The following EVL variants were observed in gnomAD, a reference collection of about 807,000 sequenced individuals.
EVL encodes the protein Enah/Vasp-like, also known as ena/VASP-like protein.
In EVL, 21 loss-of-function variants were observed where a neutral mutation model predicts 59.6. The ratio of observed to expected loss-of-function variants is 0.35; its 90% CI spans 0.25 to 0.51. The LOEUF is 0.51. Among genes scored for constraint, EVL ranks in the 20% least tolerant of loss-of-function variants. EVL has a pLI of 0.97. For missense variants in EVL, 462 were observed against 546.6 expected, an observed-to-expected ratio of 0.85 and a Z score of 1.54; for synonymous variants, 198 against 203.5, an observed-to-expected ratio of 0.97 and a Z score of 0.23.
At chr14:100,042,130 AATT>A (rs2140234330) in intron 1 of EVL, among the ~76,000 whole-genome samples, 1 of 152,364 alleles carries the variant, frequency 6.6e-6, no homozygotes, top group Admixed American at 6.5e-5. Flanking sequence ...GTAATATGAA[AATT>A]ATTAATTAAC....
chr14:100,065,524 A>T lies in EVL; in HGVS notation c.11+13A>T, dbSNP rs746112814. The T allele has an allele frequency of 6.6e-7, 1 of 1,504,158 alleles. No homozygotes were observed. The highest frequency in any genetic ancestry group is 9.0e-7 in the Non-Finnish European group (1 of 1,109,514). 93.2% of individuals were successfully genotyped at this position (1,504,158 alleles called of 1,614,324 possible). On this transcript the variant is annotated intron_variant, in intron 1 of 13. Transcript: ENST00000392920. ...CCATGGCCACAAGGTGAGTATTGGA[A>T]CCAGTGCAGGGGACAGAGGGATGTC...
intron 1 of EVL, among the ~76,000 whole-genome samples, chr14:100,010,691 C>T (rs1030012649): frequency 5.3e-5 from 8 of 152,156 alleles, no homozygotes; most frequent in Non-Finnish European, 1.2e-4. Context: ...AGCCACTGTG[C>T]CCAGCAGGTT....
intron 1 of EVL, among the ~76,000 whole-genome samples, chr14:99,973,554 C>T (rs2060749606): frequency 6.6e-6 from 1 of 152,194 alleles, no homozygotes; most frequent in African/African-American, 2.4e-5. Flanking sequence ...CCTCTGCCTC[C>T]TGGGTTCAAG....
At chr14:100,129,857 G>A (rs540559625) in intron 7 of EVL, among the ~76,000 whole-genome samples, 173 bp downstream of exon 7, 8 of 152,340 alleles carry the variant, frequency 5.3e-5, no homozygotes, top group South Asian at 2.1e-4. Flanking sequence ...AGTCTGAAGC[G>A]CAAGCCCACA....
intron 1 of EVL, among the ~76,000 whole-genome samples, chr14:100,067,200 G>A (rs531866804): frequency 2.6e-5 from 4 of 152,350 alleles, no homozygotes; most frequent in African/African-American, 9.6e-5. Context: ...CGTTCGTGGA[G>A]CTGCAAGGTC....
At chr14:100,095,337 C>G (rs1885731318) in intron 2 of EVL, among the ~76,000 whole-genome samples, 1 of 152,176 alleles carries the variant, frequency 6.6e-6, no homozygotes. Context: ...AACTTGAACA[C>G]AGAACTTCTG....
intron 3 of EVL, among the ~76,000 whole-genome samples, chr14:100,100,438 C>T (rs545074079): frequency 8.5e-5 from 13 of 152,254 alleles, no homozygotes; most frequent in South Asian, 2.1e-4. Context: ...CAATACCATG[C>T]GCAGATAAGC....
intron 1 of EVL, among the ~76,000 whole-genome samples, chr14:99,985,619 T>G (rs2060834944): frequency 1.3e-5 from 2 of 151,936 alleles, no homozygotes; most frequent in Admixed American, 1.3e-4. Flanking sequence ...AATACAAGAT[T>G]AGCTGGGTGT....
chr14:99,982,130 C>T (rs2060811125), intron 1 of EVL, among the ~76,000 whole-genome samples: 1 of 152,160 alleles, frequency 6.6e-6, no homozygotes, highest in Admixed American at 6.5e-5. Context: ...CTGCTCTTTA[C>T]AGATAACCAC....
At chr14:100,097,126 C>T (rs1325560787) in intron 2 of EVL, 1 of 179,940 alleles carries the variant, frequency 5.6e-6, no homozygotes, top group African/African-American at 2.4e-5. Context: ...ATTATTATCC[C>T]CATCTTATAA....
At chr14:100,007,485 CTT>C (rs1285364268) in intron 1 of EVL, among the ~76,000 whole-genome samples, 1 of 152,106 alleles carries the variant, frequency 6.6e-6, no homozygotes, top group Non-Finnish European at 1.5e-5. Context: ...GGAACTCTGA[CTT>C]TTGAAAAAAA....
chr14:99,996,363 A>G (rs139195573), intron 1 of EVL, among the ~76,000 whole-genome samples: 2 of 152,100 alleles, frequency 1.3e-5, no homozygotes, highest in African/African-American at 2.4e-5. Context: ...GGTGTTTTCT[A>G]TTCCATCATC....
At chr14:99,995,769 T>C (rs919774934) in intron 1 of EVL, among the ~76,000 whole-genome samples, 2 of 152,190 alleles carry the variant, frequency 1.3e-5, no homozygotes, top group African/African-American at 4.8e-5. Flanking sequence ...CTTTACTAGA[T>C]AATCTGGAGA....
intron 2 of EVL, among the ~76,000 whole-genome samples, chr14:100,092,556 G>A (rs1177072227): frequency 1.3e-5 from 2 of 152,108 alleles, no homozygotes; most frequent in Non-Finnish European, 2.9e-5. Flanking sequence ...CCAACATGGT[G>A]AAACCCCATC....
rs569901146 is a variant in EVL, at chr14:99,978,275, G to A, written c.5+6218G>A. On this transcript the variant is annotated intron_variant, in intron 1 of 13. Transcript: ENST00000402714. ...AAATTAGCCGGGCATGGTGGCGGGT[G>A]CCTGTAGTCCCAGCTACTCCGGAGG... Among the ~76,000 whole-genome samples, 3 of 152,008 alleles carry A rather than the reference G, an allele frequency of 2.0e-5. No individual in the cohort carries two copies. The East Asian group carries it at 5.8e-4, about 29-fold the overall frequency.
intron 3 of EVL, 56 bp from the exon 4 acceptor site, chr14:100,123,482 GT>G: frequency 6.3e-7 from 1 of 1,584,972 alleles, no homozygotes; most frequent in Non-Finnish European, 8.6e-7. Flanking sequence ...CTCCAGTTGG[GT>G]TTGCTGGGGC....
intron 3 of EVL, among the ~76,000 whole-genome samples, chr14:100,112,843 A>G (rs1887089656): frequency 6.6e-6 from 1 of 152,122 alleles, no homozygotes; most frequent in South Asian, 2.1e-4. Flanking sequence ...CTAGATTGTA[A>G]GTTCCAGGGG....
upstream of EVL, among the ~76,000 whole-genome samples, chr14:100,064,780 C>G (rs549359328): frequency 2.7e-4 from 41 of 152,324 alleles, no homozygotes; most frequent in African/African-American, 9.9e-4. Context: ...CATGGTGGCA[C>G]ATGCCTATAA....
At chr14:99,974,562 C>T (rs1435320078) in intron 1 of EVL, 4 of 152,804 alleles carry the variant, frequency 2.6e-5, no homozygotes, top group Non-Finnish European at 5.9e-5. Flanking sequence ...TCATCAACAG[C>T]TTTTTGGGCA....
Sources: gnomAD v4.1 joint callset for allele counts (sites outside exome capture counted in the v4.1 genomes callset) on GRCh38, gnomAD v4.1.1 for gene constraint, MANE v1.5 for transcripts, NCBI Gene and HGNC (gene_info 2026-07-23, HGNC 2026-07-21) for gene names.